TCP11L2: variants seen among roughly 807,000 people sequenced by gnomAD.
TCP11L2 encodes the protein t-complex 11 like 2.
TCP11L2 carries 39 observed loss-of-function variants against 50.7 expected under a neutral mutation model. The observed-to-expected ratio is 0.77, with a 90% CI of 0.60 to 1.01. The LOEUF (loss-of-function observed/expected upper bound fraction) is 1.01, where lower values mean the gene tolerates loss of function less well. Ranked by LOEUF, TCP11L2 falls within the 50% of genes least tolerant of loss-of-function variation. The probability of loss-of-function intolerance (pLI) is 0.00; values close to 1 mark genes in which losing one functional copy is unlikely to be tolerated. For synonymous variants in TCP11L2, 192 were observed against 219.3 expected, an observed-to-expected ratio of 0.88 and a Z score of 1.10; for missense variants, 612 against 614.7, an observed-to-expected ratio of 1.00 and a Z score of 0.05.
intron 3 of TCP11L2, among the ~76,000 whole-genome samples, chr12:106,315,999 C>T (rs2250936): frequency 0.45 from 69,121 of 152,124 alleles, 17,012 homozygotes; most frequent in African/African-American, 0.65. Context: ...TGTAATAACT[C>T]TTCTTCTTTA....
intron 1 of TCP11L2, chr12:106,304,390 G>A (rs1226009719): frequency 6.6e-6 from 1 of 152,302 alleles, no homozygotes; most frequent in Non-Finnish European, 1.5e-5. Context: ...CTCTTTGTTG[G>A]TTCTAACTTG....
intron 9 of TCP11L2, among the ~76,000 whole-genome samples, chr12:106,343,564 T>A (rs2036149797): frequency 2.0e-5 from 3 of 152,174 alleles, no homozygotes; most frequent in Admixed American, 2.0e-4. Context: ...CTTAACCTTT[T>A]GAAAAGATAT....
upstream of TCP11L2, among the ~76,000 whole-genome samples, chr12:106,302,408 GCCCCCGCTCCC>G (rs1348154937): frequency 8.9e-4 from 40 of 45,058 alleles, no homozygotes; most frequent in East Asian, 0.019. Flanking sequence ...CCCCCGCTCA[GCCCCCGCTCCC>G]CCACTCGGCC....
At chr12:106,324,323 A>C (rs2035462588) in intron 6 of TCP11L2, 1 of 152,246 alleles carries the variant, frequency 6.6e-6, no homozygotes, top group Non-Finnish European at 1.5e-5. Context: ...GTACAAAGGC[A>C]CTGAAGCAGA....
At chr12:106,303,116 G>T (rs1168738462) in intron 1 of TCP11L2, 175 bp downstream of exon 1, 1 of 152,286 alleles carries the variant, frequency 6.6e-6, no homozygotes, top group Non-Finnish European at 1.5e-5. Flanking sequence ...CCCACTCCGC[G>T]TCCCCTTGTT....
Position 106,314,416 on chromosome 12 carries a change from A to C in TCP11L2, c.216A>C (p.Leu72Phe), listed in dbSNP as rs540372777. 10 of 1,613,824 alleles carry C rather than the reference A, an allele frequency of 6.2e-6. 1 individual carries two copies. The South Asian group carries it at 1.1e-4, about 18-fold the overall frequency. ...FDEVMATARN[L>F]SNLTLAHEIA... ...AAGTGATGGCTACAGCAAGGAACTTATCAAACTTGACTCTTGCTCATGAGA... is the reference window on the plus strand; with the variant it reads ...AAGTGATGGCTACAGCAAGGAACTTCTCAAACTTGACTCTTGCTCATGAGA... Residue 72 changes from leucine to phenylalanine, a missense_variant, in exon 3 of 10, where the codon TTA becomes TTC. By Grantham distance (22) the Leu-to-Phe change is conservative. Transcript: ENST00000299045.
At chr12:106,339,160 A>C (rs944294382) in intron 8 of TCP11L2, among the ~76,000 whole-genome samples, 4 of 152,158 alleles carry the variant, frequency 2.6e-5, no homozygotes, top group African/African-American at 9.6e-5. Context: ...AAAAGAAAAG[A>C]AAAAAATAGC....
chr12:106,332,256 A>C (rs1393910376), intron 6 of TCP11L2, among the ~76,000 whole-genome samples: 1 of 152,258 alleles, frequency 6.6e-6, no homozygotes, highest in Non-Finnish European at 1.5e-5. Context: ...ATCATTAGGC[A>C]GTTTCTTATT....
At chr12:106,307,331 T>C (rs2034673949) in intron 1 of TCP11L2, 1 of 152,228 alleles carries the variant, frequency 6.6e-6, no homozygotes, top group African/African-American at 2.4e-5. Flanking sequence ...TTCAGTCTTT[T>C]CTGTTGACTT....
Position 106,336,081 on chromosome 12 carries a change from A to C in TCP11L2, c.1010A>C (p.Asn337Thr). 1 of 1,614,096 alleles carries C rather than the reference A, an allele frequency of 6.2e-7. No individual in the cohort carries two copies. The highest frequency in any genetic ancestry group is 8.5e-7 in the Non-Finnish European group (1 of 1,179,984). ...ARLQELTEKL[N>T]QLKIIACLSL... The stretch of plus-strand genomic sequence containing the variant: ...CTTCAGGAACTAACAGAAAAGCTGA[A>C]TCAATTGAAAATTATTGCCTGCCTG... Residue 337 changes from asparagine (N) to threonine (T), a missense_variant, in exon 8 of 10, where the codon AAT becomes ACT. Transcript: ENST00000299045.
chr12:106,311,140 GGTTTTCC>G lies in TCP11L2; in HGVS notation c.67_73del (p.Phe23LysfsTer36), dbSNP rs2034838608. On this transcript the variant is annotated frameshift_variant, in exon 2 of 10. Transcript: ENST00000299045. LOFTEE classifies it high-confidence loss of function. ...CAGCCAAGCGATTCTGATTCTTCCC[GGTTTTCC>G]GAAAGCATGGCTTCGCTCAGTGACT... The G allele has an allele frequency of 1.9e-6, 3 of 1,614,084 alleles. No individual in the cohort carries two copies. In the Admixed American group the frequency reaches 5.0e-5, roughly 27 times the overall value.
upstream of TCP11L2, among the ~76,000 whole-genome samples, chr12:106,301,613 T>C (rs928500054): frequency 6.6e-6 from 1 of 152,230 alleles, no homozygotes; most frequent in African/African-American, 2.4e-5. Flanking sequence ...GCCTCCACAA[T>C]CCAGACATAA....
At position 106,335,747 on chromosome 12, in the gene TCP11L2, G is replaced by A. The variant is rs762414333; in HGVS notation, c.881G>A (p.Ser294Asn). ...GGGGCCGAAAATACCTCCAAGCCAA[G>A]CCTGAGCCCTACTTTGGTGCTAAAT... Reference protein sequence around the residue: ...TPGAENTSKPSLSPTLVLNNS... With the variant: ...TPGAENTSKPNLSPTLVLNNS... The change falls in exon 7 of 10, where the codon AGC becomes AAC. Residue 294 changes from serine (S) to asparagine (N), a missense_variant. Transcript: ENST00000299045. 6.2e-7 allele frequency: 1 copy of A among 1,614,190 alleles called. No homozygotes were observed. The highest frequency in any genetic ancestry group is 8.5e-7 in the Non-Finnish European group (1 of 1,180,030).
intron 4 of TCP11L2, among the ~76,000 whole-genome samples, chr12:106,318,900 T>TG (rs66719973): frequency 6.7e-6 from 1 of 148,180 alleles, no homozygotes; most frequent in East Asian, 2.0e-4. Context: ...TATTTTATTT[T>TG]TTTTTTTTTT....
intron 4 of TCP11L2, among the ~76,000 whole-genome samples, chr12:106,319,143 C>G (rs1025460180): frequency 1.3e-5 from 2 of 152,094 alleles, no homozygotes; most frequent in African/African-American, 4.8e-5. Flanking sequence ...GATCTCCTGA[C>G]CTCATGATTC....
intron 1 of TCP11L2, among the ~76,000 whole-genome samples, chr12:106,304,681 T>C (rs2034558394): frequency 6.6e-6 from 1 of 152,262 alleles, no homozygotes; most frequent in Non-Finnish European, 1.5e-5. Flanking sequence ...TAGAAGTTTC[T>C]TGAAATTTCT....
chr12:106,329,841 T>A, intron 6 of TCP11L2: 1 of 986,468 alleles, frequency 1.0e-6, no homozygotes, highest in South Asian at 4.7e-5. Flanking sequence ...GTCTTTTACA[T>A]CTTTATAAAA....
At chr12:106,340,802 G>A (rs1454739703) in intron 8 of TCP11L2, 24 bp from the exon 9 acceptor site, 4 of 1,550,524 alleles carry the variant, frequency 2.6e-6, no homozygotes, top group African/African-American at 1.4e-5. Flanking sequence ...TTTCCCTGGT[G>A]GAATTTCATT....
chr12:106,330,520 C>A (rs2035709387), intron 6 of TCP11L2, among the ~76,000 whole-genome samples: 2 of 152,080 alleles, frequency 1.3e-5, no homozygotes, highest in Admixed American at 6.6e-5. Flanking sequence ...CAGCCCTCAA[C>A]AACGAAGAAT....
Sources: gnomAD v4.1 joint callset for allele counts (sites outside exome capture counted in the v4.1 genomes callset) on GRCh38, gnomAD v4.1.1 for gene constraint, MANE v1.5 for transcripts, NCBI Gene and HGNC (gene_info 2026-07-23, HGNC 2026-07-21) for gene names.